The following GALNT17 variants were observed in gnomAD, a reference collection of about 807,000 sequenced individuals.
GALNT17 encodes the protein polypeptide N-acetylgalactosaminyltransferase 17.
In GALNT17, 29 loss-of-function variants were observed where a neutral mutation model predicts 63.7. The observed-to-expected ratio is 0.46, with a 90% CI of 0.34 to 0.62. The LOEUF is 0.62. Ranked by LOEUF, GALNT17 falls within the 20% of genes least tolerant of loss-of-function variation. The pLI is 0.01. For synonymous variants in GALNT17, 305 were observed against 318.3 expected (o/e 0.96, Z 0.45); for missense variants, 603 against 799.6 (o/e 0.75, Z 2.97).
intron 3 of GALNT17, among the ~76,000 whole-genome samples, chr7:71,401,011 T>C (rs1259029549): frequency 6.6e-6 from 1 of 152,230 alleles, no homozygotes; most frequent in Non-Finnish European, 1.5e-5. Flanking sequence ...GTTGTAACTT[T>C]AGCCATAAAG....
At chr7:71,336,259 G>A (rs1451287361) in intron 2 of GALNT17, among the ~76,000 whole-genome samples, 2 of 152,036 alleles carry the variant, frequency 1.3e-5, no homozygotes, top group African/African-American at 4.8e-5. Flanking sequence ...TGGTCAGGCT[G>A]ATCTCGAACT....
chr7:71,370,660 T>A (rs980338854), intron 2 of GALNT17, among the ~76,000 whole-genome samples: 7 of 151,716 alleles, frequency 4.6e-5, no homozygotes, highest in Non-Finnish European at 7.4e-5. Context: ...TAGAGATGGG[T>A]TTTCGCCATG....
At chr7:71,445,304 G>A (rs368770253) in intron 5 of GALNT17, among the ~76,000 whole-genome samples, 5 of 150,494 alleles carry the variant, frequency 3.3e-5, no homozygotes, top group African/African-American at 4.9e-5. Flanking sequence ...TCAGCCTCTC[G>A]AGCAGCTGGG....
chr7:71,560,359 AT>A (rs1484484492), intron 5 of GALNT17, among the ~76,000 whole-genome samples: 1 of 151,912 alleles, frequency 6.6e-6, no homozygotes, highest in Non-Finnish European at 1.5e-5. Context: ...GCTTACCGTT[AT>A]CCCCGCAAAA....
chr7:71,174,927 G>T (rs1418669808), intron 1 of GALNT17, among the ~76,000 whole-genome samples: 1 of 152,156 alleles, frequency 6.6e-6, no homozygotes, highest in East Asian at 1.9e-4. Context: ...GCGATGGAAG[G>T]TTTATTTCCA....
At position 71,712,613 on chromosome 7, in the gene GALNT17, G is replaced by A. The variant is rs1791812297; in HGVS notation, c.*467G>A. 6.3e-6 allele frequency: 1 copy of A among 157,518 alleles called. No homozygotes were observed. Among genetic ancestry groups the A allele is most frequent in the Non-Finnish European group, 1.4e-5 (1 of 71,892 alleles). The allele number at this position is 157,518 out of a possible 1,614,324, so 9.8% of individuals were successfully genotyped here. A position where few individuals can be genotyped will look rare whatever the true frequency, so the allele number is the denominator to read the frequency against. ...CCCCGCCCTAAAAGGAGGCAGTGAG[G>A]ACCAGGCACTATTTCCTCCGAGGTT... On this transcript the variant is annotated 3_prime_UTR_variant, in exon 11 of 11. Transcript: ENST00000333538.
intron 2 of GALNT17, among the ~76,000 whole-genome samples, chr7:71,364,967 G>A (rs1197157049): frequency 1.3e-5 from 2 of 148,968 alleles, no homozygotes; most frequent in Admixed American, 1.3e-4. Flanking sequence ...GTCTCACTCT[G>A]TCCCCCAGGC....
intron 6 of GALNT17, among the ~76,000 whole-genome samples, chr7:71,585,666 A>G (rs528192700): frequency 1.2e-3 from 183 of 151,840 alleles, no homozygotes; most frequent in African/African-American, 4.3e-3. Flanking sequence ...GTCTAAATCC[A>G]TTGTCATTAT....
chr7:71,541,509 C>T (rs903172268), intron 5 of GALNT17, among the ~76,000 whole-genome samples: 10 of 152,040 alleles, frequency 6.6e-5, no homozygotes, highest in Non-Finnish European at 1.5e-4. Context: ...GCCGAGATCT[C>T]GCCACTGTAT....
At chr7:71,356,371 C>A (rs1792285698) in intron 2 of GALNT17, among the ~76,000 whole-genome samples, 1 of 151,524 alleles carries the variant, frequency 6.6e-6, no homozygotes, top group African/African-American at 2.4e-5. Context: ...TCAAGGAATA[C>A]CTGAGGTTGG....
intron 6 of GALNT17, among the ~76,000 whole-genome samples, chr7:71,587,390 G>A (rs1266448499): frequency 1.3e-5 from 2 of 152,122 alleles, no homozygotes; most frequent in Non-Finnish European, 2.9e-5. Context: ...CCTTGAAGGA[G>A]GATGAGCACC....
At chr7:71,176,171 A>G (rs1788635294) in intron 1 of GALNT17, among the ~76,000 whole-genome samples, 1 of 151,742 alleles carries the variant, frequency 6.6e-6, no homozygotes, top group Non-Finnish European at 1.5e-5. Flanking sequence ...GGAGGAGGAG[A>G]GAGAGAATGA....
intron 1 of GALNT17, among the ~76,000 whole-genome samples, chr7:71,237,765 A>G (rs761083386): frequency 2.6e-5 from 4 of 152,154 alleles, no homozygotes; most frequent in African/African-American, 4.8e-5. Context: ...GGCTTAATAA[A>G]TAATTAGTGG....
rs533018961 is a variant in GALNT17 at position 71,685,905 on chromosome 7, G to C, written c.1500+8599G>C. Among the ~76,000 whole-genome samples, 615 of 89,516 alleles carry C rather than the reference G, an allele frequency of 6.9e-3. 2 individuals are homozygous for C. Among genetic ancestry groups the C allele is most frequent in the Admixed American group, 0.016 (106 of 6,828 alleles). The allele number at this position is 89,516 out of a possible 152,430, so 58.7% of individuals were successfully genotyped here. On this transcript the variant is annotated intron_variant, in intron 9 of 10. Transcript: ENST00000333538. ...CTATCTTAGTTTTTTATATAATTGA[G>C]GTTCTTGGGTTTTTTTTTTTTTTTC...
chr7:71,699,911 TGATG>T (rs1395771003), intron 9 of GALNT17, among the ~76,000 whole-genome samples: 2 of 151,752 alleles, frequency 1.3e-5, no homozygotes, highest in African/African-American at 4.8e-5. Flanking sequence ...GCAGCCTGAG[TGATG>T]GAGTGAGACC....
At chr7:71,185,345 A>G (rs1163919062) in intron 1 of GALNT17, among the ~76,000 whole-genome samples, 4 of 150,644 alleles carry the variant, frequency 2.7e-5, no homozygotes, top group Non-Finnish European at 5.9e-5. Flanking sequence ...AGCTGGGACT[A>G]CAGGCACATG....
intron 3 of GALNT17, among the ~76,000 whole-genome samples, chr7:71,393,829 C>A (rs1400544782): frequency 2.0e-5 from 3 of 152,192 alleles, no homozygotes; most frequent in Non-Finnish European, 4.4e-5. Context: ...GTACATCCAG[C>A]TGAAATCATT....
At chr7:71,663,953 G>A (rs191708693) in intron 6 of GALNT17, among the ~76,000 whole-genome samples, 9 of 152,016 alleles carry the variant, frequency 5.9e-5, no homozygotes, top group African/African-American at 2.2e-4. Context: ...ACAGGCTCCT[G>A]AAACTTTTCT....
chr7:71,309,179 A>G (rs1042641736), intron 1 of GALNT17, among the ~76,000 whole-genome samples: 1 of 151,772 alleles, frequency 6.6e-6, no homozygotes, highest in East Asian at 1.9e-4. Flanking sequence ...AGTCATTTTT[A>G]TGCTGTCATT....
Sources: allele counts gnomAD v4.1 joint callset (sites outside exome capture counted in the v4.1 genomes callset), GRCh38; gene constraint gnomAD v4.1.1; transcripts MANE v1.5; gene names NCBI Gene and HGNC (gene_info 2026-07-23, HGNC 2026-07-21).